Variants in CCDC192 observed in about 807,000 individuals in gnomAD.
CCDC192 encodes the protein coiled-coil domain containing 192, also known as coiled-coil domain-containing protein 192.
intron 2 of CCDC192, among the ~76,000 whole-genome samples, chr5:127,735,339 T>C (rs1752910670): frequency 1.4e-5 from 2 of 146,478 alleles, no homozygotes; most frequent in South Asian, 2.2e-4. Flanking sequence ...AGCCTTGTAG[T>C]ATAGTTTGAA....
At chr5:127,776,095 T>C (rs1755842016) in intron 3 of CCDC192, among the ~76,000 whole-genome samples, 1 of 152,210 alleles carries the variant, frequency 6.6e-6, no homozygotes, top group South Asian at 2.1e-4. Flanking sequence ...ACTTTGGAAC[T>C]GGGTAATGGG....
intron 3 of CCDC192, among the ~76,000 whole-genome samples, chr5:127,777,806 C>T (rs1346049967): frequency 6.6e-6 from 1 of 152,122 alleles, no homozygotes; most frequent in Non-Finnish European, 1.5e-5. Flanking sequence ...TTGCCAGCTG[C>T]CATGTAAGAC....
At chr5:127,758,268 A>T (rs926159230) in intron 3 of CCDC192, among the ~76,000 whole-genome samples, 2 of 152,172 alleles carry the variant, frequency 1.3e-5, no homozygotes, top group Non-Finnish European at 2.9e-5. Context: ...CTCCTTCAGC[A>T]AGGTCCACTG....
At chr5:127,933,561 C>A (rs548064619) in intron 6 of CCDC192, among the ~76,000 whole-genome samples, 6 of 152,236 alleles carry the variant, frequency 3.9e-5, no homozygotes, top group African/African-American at 1.4e-4. Flanking sequence ...TGGTTAGAGA[C>A]AAGTGTTTTT....
intron 6 of CCDC192, among the ~76,000 whole-genome samples, chr5:127,906,557 G>A (rs1007684602): frequency 1.3e-5 from 2 of 152,094 alleles, no homozygotes; most frequent in Non-Finnish European, 2.9e-5. Flanking sequence ...AGGCTGAGGG[G>A]GGTGGATCAC....
intron 5 of CCDC192, among the ~76,000 whole-genome samples, chr5:127,842,619 A>G (rs992613540): frequency 2.6e-5 from 4 of 152,256 alleles, no homozygotes; most frequent in Non-Finnish European, 5.9e-5. Flanking sequence ...GCAGTTATAC[A>G]TGTGTAATTT....
At chr5:127,756,089 C>T (rs947222585) in intron 3 of CCDC192, among the ~76,000 whole-genome samples, 1 of 151,452 alleles carries the variant, frequency 6.6e-6, no homozygotes, top group Non-Finnish European at 1.5e-5. Context: ...GCCGAGATTG[C>T]GCCACTGCAC....
rs192976618 is a variant in CCDC192, at chr5:127,840,586, A to C, written c.412-34952A>C. On this transcript the variant is annotated intron_variant, in intron 5 of 6. Transcript: ENST00000514853. ...CAAGTACAAAAATGAAGGTGTGGTAAAATTATTTTATTAAATTATTAATTA... is the reference window on the plus strand; with the variant it reads ...CAAGTACAAAAATGAAGGTGTGGTACAATTATTTTATTAAATTATTAATTA... Among the ~76,000 whole-genome samples the C allele has an allele frequency of 3.9e-3, 575 of 148,260 alleles. 3 individuals carry two copies. The highest frequency in any genetic ancestry group is 0.013 in the African/African-American group (540 of 40,746).
rs145167328 is a variant in CCDC192, at chr5:127,739,903, C to G, written c.115-14365C>G. The stretch of plus-strand genomic sequence containing the variant: ...AATCACCCGTCTTCTGCGTCGCTCA[C>G]GCTGGGAGCTGTGGACCGGAGCTGT... On this transcript the variant is annotated intron_variant, in intron 2 of 6. Coordinates refer to ENST00000514853, the MANE Select transcript of CCDC192 (RefSeq NM_001317938.2). 5.6e-3 allele frequency: 877 copies of G among 156,054 alleles called. 3 individuals are homozygous for G. The highest frequency in any genetic ancestry group is 0.019 in the African/African-American group (802 of 41,596). The allele number at this position is 156,054 out of a possible 1,614,324, so 9.7% of individuals were successfully genotyped here.
intron 5 of CCDC192, among the ~76,000 whole-genome samples, chr5:127,846,699 G>A (rs1009499561): frequency 6.6e-6 from 1 of 151,424 alleles, no homozygotes; most frequent in Non-Finnish European, 1.5e-5. Context: ...CGAACTCCTG[G>A]CCTCAAGTGA....
chr5:127,914,465 C>T (rs944517697), intron 6 of CCDC192, among the ~76,000 whole-genome samples: 9 of 152,090 alleles, frequency 5.9e-5, no homozygotes, highest in Non-Finnish European at 1.2e-4. Flanking sequence ...CAGTTCATAT[C>T]AGGTTTTGCT....
At chr5:127,802,416 T>C (rs1757554346) in intron 5 of CCDC192, among the ~76,000 whole-genome samples, 1 of 152,176 alleles carries the variant, frequency 6.6e-6, no homozygotes, top group Admixed American at 6.5e-5. Context: ...TGACCCCCTT[T>C]CCTGCCTCAT....
intron 6 of CCDC192, among the ~76,000 whole-genome samples, chr5:127,887,421 C>A (rs1221267069): frequency 1.3e-5 from 2 of 151,218 alleles, no homozygotes; most frequent in Non-Finnish European, 2.9e-5. Context: ...AGGATTCTGA[C>A]TTCAGGGAAA....
At chr5:127,759,033 A>C (rs1365734274) in intron 3 of CCDC192, among the ~76,000 whole-genome samples, 2 of 152,206 alleles carry the variant, frequency 1.3e-5, no homozygotes, top group Non-Finnish European at 2.9e-5. Flanking sequence ...CCCATTTATC[A>C]ATGGCTTCTG....
intron 3 of CCDC192, among the ~76,000 whole-genome samples, chr5:127,770,381 G>A (rs939605510): frequency 6.6e-6 from 1 of 152,216 alleles, no homozygotes; most frequent in Non-Finnish European, 1.5e-5. Flanking sequence ...GGAATTCTCT[G>A]TACCTCTTTT....
At chr5:127,723,566 C>T (rs1351024411) in intron 2 of CCDC192, among the ~76,000 whole-genome samples, 1 of 152,168 alleles carries the variant, frequency 6.6e-6, no homozygotes, top group Non-Finnish European at 1.5e-5. Flanking sequence ...AGTTCAATTG[C>T]TATGATCTGA....
intron 3 of CCDC192, among the ~76,000 whole-genome samples, chr5:127,765,725 A>G (rs1336440643): frequency 1.3e-5 from 2 of 152,190 alleles, no homozygotes; most frequent in Admixed American, 1.3e-4. Context: ...TGCTAAACAG[A>G]CTTCCAAAGA....
intron 3 of CCDC192, among the ~76,000 whole-genome samples, chr5:127,782,379 G>C (rs192444921): frequency 1.3e-5 from 2 of 151,888 alleles, no homozygotes; most frequent in African/African-American, 4.8e-5. Context: ...TTGGAATAGC[G>C]TCAATAGGAT....
chr5:127,750,675 C>G (rs1477071319), intron 2 of CCDC192, among the ~76,000 whole-genome samples: 6 of 135,034 alleles, frequency 4.4e-5, no homozygotes, highest in Admixed American at 2.3e-4. Context: ...TCCTTGTTGA[C>G]TTTCTGTCTC....
Sources: allele counts gnomAD v4.1 joint callset (sites outside exome capture counted in the v4.1 genomes callset), GRCh38; gene constraint gnomAD v4.1.1; transcripts MANE v1.5; gene names NCBI Gene and HGNC (gene_info 2026-07-23, HGNC 2026-07-21).